Variants in MYLK3 observed in about 807,000 individuals in gnomAD.
MYLK3 encodes myosin light chain kinase 3.
In MYLK3, 55 loss-of-function variants were observed where a neutral mutation model predicts 76.3. That is an observed-to-expected ratio of 0.72 (90% CI 0.58 to 0.90). The LOEUF is 0.90. MYLK3 is among the 40% of genes least tolerant of loss of function. The probability of loss-of-function intolerance (pLI) is 0.00; values close to 1 mark genes in which losing one functional copy is unlikely to be tolerated. For synonymous variants in MYLK3, 416 were observed against 425.4 expected (o/e 0.98, Z 0.27); for missense variants, 973 against 1,053.6 (o/e 0.92, Z 1.06).
chr16:46,728,977 T>C (rs1247399302), intron 7 of MYLK3, 47 bp downstream of exon 7: 6 of 1,410,324 alleles, frequency 4.3e-6, no homozygotes, highest in Non-Finnish European at 6.0e-6. Context: ...GCCCCAGCAC[T>C]GAGCCCTGGC....
Position 46,748,270 on chromosome 16 carries a change from T to C in MYLK3, c.-77A>G. The C allele has an allele frequency of 6.6e-7, 1 of 1,513,630 alleles. No individual in the cohort carries two copies. Among genetic ancestry groups the C allele is most frequent in the Non-Finnish European group, 8.8e-7 (1 of 1,133,778 alleles). 93.8% of individuals were successfully genotyped at this position (1,513,630 alleles called of 1,614,324 possible). ...CCCCTGGTTCTCACTCAGGCGGTGGTGTCTGCAAGGTCATTGTCCTCCGTA... is the reference window on the plus strand; with the variant it reads ...CCCCTGGTTCTCACTCAGGCGGTGGCGTCTGCAAGGTCATTGTCCTCCGTA... On this transcript the variant is annotated 5_prime_UTR_variant, in exon 1 of 13. Transcript: ENST00000394809. This position sits in a 1 kb window ranked among gnomAD's most constrained non-coding sequence, Gnocchi z 4.3.
At chr16:46,714,122 G>T (rs1966712929) in intron 9 of MYLK3, among the ~76,000 whole-genome samples, 1 of 152,130 alleles carries the variant, frequency 6.6e-6, no homozygotes, top group South Asian at 2.1e-4. Context: ...GTGTGTTTTA[G>T]AATCACTCTT....
chr16:46,724,951 C>A (rs1249981818), intron 8 of MYLK3, among the ~76,000 whole-genome samples: 2 of 152,058 alleles, frequency 1.3e-5, no homozygotes, highest in East Asian at 3.9e-4. Context: ...TTATTTAGGT[C>A]TTTGAATTAT....
intron 1 of MYLK3, among the ~76,000 whole-genome samples, chr16:46,741,422 C>T (rs1268233288): frequency 6.6e-6 from 1 of 152,216 alleles, no homozygotes; most frequent in East Asian, 1.9e-4. Context: ...CCAGAGCCAT[C>T]AGTATGCTTA....
chr16:46,715,778 A>C (rs1432362968), intron 9 of MYLK3, among the ~76,000 whole-genome samples: 1 of 152,202 alleles, frequency 6.6e-6, no homozygotes, highest in African/African-American at 2.4e-5. Flanking sequence ...CCTCCACTGC[A>C]CCAGGAGCCA....
intron 9 of MYLK3, among the ~76,000 whole-genome samples, chr16:46,714,468 A>G (rs1400788493): frequency 6.6e-6 from 1 of 152,094 alleles, no homozygotes; most frequent in Non-Finnish European, 1.5e-5. Flanking sequence ...ACGGGGGTTG[A>G]AGGACTGGGC....
upstream of MYLK3, among the ~76,000 whole-genome samples, chr16:46,750,024 G>A (rs931944784): frequency 6.6e-6 from 1 of 152,192 alleles, no homozygotes; most frequent in Non-Finnish European, 1.5e-5. Context: ...AGTCTCCCTG[G>A]AAAAGGAAAT....
upstream of MYLK3, among the ~76,000 whole-genome samples, chr16:46,750,686 G>C (rs946517225): frequency 6.6e-6 from 1 of 151,674 alleles, no homozygotes; most frequent in Non-Finnish European, 1.5e-5. Context: ...GAGCAAGACT[G>C]TGTCTCAAAA....
chr16:46,709,620 C>G lies in MYLK3; in HGVS notation c.2319G>C (p.Leu773Phe), dbSNP rs371796025. The stretch of plus-strand genomic sequence containing the variant: ...TTTTGGATCTTGAAGCTTTGGCAGG[C>G]AAATTATTCAGCCACTCGTGTTTCA... ...QCLKHEWLNN[L>F]PAKASRSKTR... is the part of the protein sequence containing the mutation. The change falls in exon 12 of 13, where the codon TTG (leucine) becomes TTC (phenylalanine). Residue 773 changes from leucine (L) to phenylalanine (F), a missense_variant. By Grantham distance (22) the Leu-to-Phe change is conservative. Transcript: ENST00000394809. 3.1e-6 allele frequency: 5 copies of G among 1,614,008 alleles called. No homozygotes were observed. Among genetic ancestry groups the G allele is most frequent in the Non-Finnish European group, 4.2e-6 (5 of 1,180,024 alleles).
At chr16:46,729,871 C>T (rs1966848982) in intron 5 of MYLK3, 184 bp from the exon 6 acceptor site, 1 of 619,884 alleles carries the variant, frequency 1.6e-6, no homozygotes, top group Non-Finnish European at 2.9e-6. Flanking sequence ...AACTCTTCAC[C>T]CCACACCACC....
chr16:46,732,400 G>C lies in MYLK3; in HGVS notation c.1270C>G (p.Pro424Ala). The change falls in exon 4 of 13, where the codon CCT becomes GCT. Residue 424 changes from proline to alanine, a missense_variant. This residue lies in a region of MYLK3 where 641 missense variants were observed against 637.0 expected (regional missense o/e 1.01). Transcript: ENST00000394809. The stretch of plus-strand genomic sequence containing the variant: ...CTGGCCAAGCTTGGTCTCGTGCCAG[G>C]CTCGGCCCCAGCCCTTTGCTCCTCC... ...AEEEQRAGAE[P>A]GTRPSLARSD... 2 of 1,613,566 alleles carry C rather than the reference G, an allele frequency of 1.2e-6. No individual in the cohort carries two copies. Among genetic ancestry groups the C allele is most frequent in the South Asian group, 2.2e-5 (2 of 91,086 alleles).
chr16:46,761,774 C>T (rs1237121555), intron 1 of MYLK3, among the ~76,000 whole-genome samples: 1 of 152,094 alleles, frequency 6.6e-6, no homozygotes, highest in East Asian at 1.9e-4. Context: ...GCTGAGATTG[C>T]ACCACTGCAC....
upstream of MYLK3, among the ~76,000 whole-genome samples, chr16:46,750,522 C>G (rs539372435): frequency 6.6e-6 from 1 of 152,122 alleles, no homozygotes; most frequent in African/African-American, 2.4e-5. Context: ...GGTGAAACAC[C>G]GTCTCTACTG....
intron 9 of MYLK3, among the ~76,000 whole-genome samples, chr16:46,716,300 G>A (rs1275521356): frequency 6.6e-6 from 1 of 151,644 alleles, no homozygotes; most frequent in Non-Finnish European, 1.5e-5. Flanking sequence ...TAGTGTTATG[G>A]GATAGATAGA....
At chr16:46,718,760 G>C (rs909033159) in intron 9 of MYLK3, among the ~76,000 whole-genome samples, 3 of 152,044 alleles carry the variant, frequency 2.0e-5, no homozygotes, top group African/African-American at 4.8e-5. Context: ...GAAGTCAGGA[G>C]TTCAAGACCA....
chr16:46,741,338 A>C (rs1966927121), intron 1 of MYLK3, among the ~76,000 whole-genome samples: 1 of 152,216 alleles, frequency 6.6e-6, no homozygotes, highest in South Asian at 2.1e-4. Flanking sequence ...AGCTCTCAGA[A>C]GCTTTTCCTT....
At chr16:46,714,824 C>A (rs931388345) in intron 9 of MYLK3, among the ~76,000 whole-genome samples, 1 of 152,190 alleles carries the variant, frequency 6.6e-6, no homozygotes, top group African/African-American at 2.4e-5. Context: ...CTGACCTGCA[C>A]CCTGGATTCA....
At chr16:46,715,499 C>T (rs1341814207) in intron 9 of MYLK3, among the ~76,000 whole-genome samples, 15 of 152,144 alleles carry the variant, frequency 9.9e-5, no homozygotes, top group African/African-American at 2.4e-4. Context: ...AATAGGAGAC[C>T]GTATCCTCAC....
chr16:46,763,140 C>T (rs1234232522), exon 1 of MYLK3: 1 of 984,326 alleles, frequency 1.0e-6, no homozygotes, highest in Non-Finnish European at 1.2e-6. Flanking sequence ...TATACACAGA[C>T]AAACTTAAAC....
Sources: gnomAD v4.1 joint callset for allele counts (sites outside exome capture counted in the v4.1 genomes callset) on GRCh38, gnomAD v4.1.1 for gene constraint, gnomAD v4.1.1 regional missense constraint, Gnocchi (gnomAD v3.1) non-coding constraint, MANE v1.5 for transcripts, NCBI Gene and HGNC (gene_info 2026-07-23, HGNC 2026-07-21) for gene names.